The following WDR27 variants were observed in gnomAD, a reference collection of about 807,000 sequenced individuals.
The protein encoded by WDR27 is WD repeat domain 27, also known as WD repeat-containing protein 27.
A neutral mutation model predicts 114.4 loss-of-function variants in WDR27; 100 were observed. The observed-to-expected ratio is 0.87, with a 90% CI of 0.74 to 1.03. WDR27 has a LOEUF of 1.03. Among genes scored for constraint, WDR27 ranks in the 50% least tolerant of loss-of-function variants. The pLI, the probability that WDR27 is intolerant of heterozygous loss-of-function variation, is 0.00. For missense variants in WDR27, 1,129 were observed against 1,092.9 expected, an observed-to-expected ratio of 1.03 and a Z score of -0.47; for synonymous variants, 449 against 423.1, an observed-to-expected ratio of 1.06 and a Z score of -0.75.
chr6:169,544,109 C>T (rs921604983), intron 25 of WDR27, among the ~76,000 whole-genome samples: 10 of 152,146 alleles, frequency 6.6e-5, no homozygotes, highest in African/African-American at 2.4e-4. Flanking sequence ...CCTTGATAAA[C>T]AGCATCAAGA....
intron 25 of WDR27, among the ~76,000 whole-genome samples, chr6:169,465,708 C>T (rs1490641942): frequency 6.6e-6 from 1 of 152,138 alleles, no homozygotes; most frequent in African/African-American, 2.4e-5. Flanking sequence ...ATTATTCAGT[C>T]TTAAAAATGA....
intron 25 of WDR27, among the ~76,000 whole-genome samples, chr6:169,529,086 T>A (rs763577271): frequency 2.8e-4 from 43 of 152,172 alleles, no homozygotes; most frequent in Non-Finnish European, 4.7e-4. Flanking sequence ...TACCTGAATG[T>A]ACAATAGAAC....
intron 25 of WDR27, among the ~76,000 whole-genome samples, chr6:169,500,370 T>C (rs1791006714): frequency 6.6e-6 from 1 of 152,134 alleles, no homozygotes; most frequent in South Asian, 2.1e-4. Flanking sequence ...TATCCATTAC[T>C]GTCTCACAAA....
the WDR27 span, among the ~76,000 whole-genome samples, chr6:169,437,316 T>C: frequency 6.6e-6 from 1 of 152,148 alleles, no homozygotes; most frequent in Non-Finnish European, 1.5e-5. Flanking sequence ...AGGACCAAAG[T>C]CTGGTACTCT....
chr6:169,430,727 A>C, the WDR27 span, among the ~76,000 whole-genome samples: 37 of 152,248 alleles, frequency 2.4e-4, no homozygotes, highest in Non-Finnish European at 4.6e-4. Context: ...AATAGTAATT[A>C]TAAAGAACCT....
intron 25 of WDR27, among the ~76,000 whole-genome samples, chr6:169,536,934 T>C (rs1012545862): frequency 2.6e-5 from 4 of 152,188 alleles, no homozygotes; most frequent in Non-Finnish European, 5.9e-5. Flanking sequence ...GCTGTCTGGT[T>C]CTCTACAGAG....
intron 23 of WDR27, among the ~76,000 whole-genome samples, chr6:169,589,175 A>G (rs1374141424): frequency 6.6e-6 from 1 of 152,200 alleles, no homozygotes; most frequent in Non-Finnish European, 1.5e-5. Context: ...CCTGCTGTTT[A>G]GATTAAATGG....
chr6:169,461,943 G>T (rs969625829), intron 25 of WDR27, among the ~76,000 whole-genome samples: 5 of 151,978 alleles, frequency 3.3e-5, no homozygotes, highest in African/African-American at 1.2e-4. Flanking sequence ...AATCAGAAAT[G>T]AAAGTTATGG....
chr6:169,630,456 C>T (rs1816056507), intron 21 of WDR27, among the ~76,000 whole-genome samples: 2 of 152,206 alleles, frequency 1.3e-5, no homozygotes. Context: ...ACTCAGGTAT[C>T]TTAAAGTCAA....
the WDR27 span, among the ~76,000 whole-genome samples, chr6:169,449,142 A>G: frequency 1.3e-5 from 2 of 152,182 alleles, no homozygotes; most frequent in African/African-American, 4.8e-5. Flanking sequence ...GATGTCTGGG[A>G]TGAAAACTCT....
chr6:169,546,649 A>G (rs182030530), intron 25 of WDR27, among the ~76,000 whole-genome samples: 1 of 152,202 alleles, frequency 6.6e-6, no homozygotes, highest in East Asian at 1.9e-4. Flanking sequence ...CTATCCCCAG[A>G]CCCTCAAACC....
intron 25 of WDR27, among the ~76,000 whole-genome samples, chr6:169,512,736 A>G (rs1793065651): frequency 1.3e-5 from 2 of 152,222 alleles, no homozygotes; most frequent in South Asian, 4.1e-4. Flanking sequence ...TAGTAGAGGT[A>G]ATGGCTTGAA....
intron 25 of WDR27, among the ~76,000 whole-genome samples, chr6:169,518,265 G>A (rs572940729): frequency 6.6e-6 from 1 of 152,350 alleles, no homozygotes; most frequent in Admixed American, 6.5e-5. Context: ...GGGACTCTGT[G>A]TGGGTCTAGC....
intron 17 of WDR27, among the ~76,000 whole-genome samples, chr6:169,640,760 T>C (rs1818947108): frequency 6.6e-6 from 1 of 152,206 alleles, no homozygotes; most frequent in South Asian, 2.1e-4. Flanking sequence ...CAGAAGTCAC[T>C]CCATTACCAG....
chr6:169,472,535 T>C (rs761484605), intron 25 of WDR27, among the ~76,000 whole-genome samples: 3 of 152,158 alleles, frequency 2.0e-5, no homozygotes, highest in Non-Finnish European at 2.9e-5. Context: ...GTTGTAAGGA[T>C]TGAATTAGTT....
chr6:169,652,246 T>TTTGTTG (rs543638663), intron 13 of WDR27, among the ~76,000 whole-genome samples: 1 of 152,040 alleles, frequency 6.6e-6, no homozygotes, highest in Admixed American at 6.6e-5. Context: ...TTGTTGTTGT[T>TTTGTTG]TTGTTGTTGT....
chr6:169,589,015 C>T (rs1805188690), intron 23 of WDR27, among the ~76,000 whole-genome samples: 3 of 152,200 alleles, frequency 2.0e-5, no homozygotes, highest in Admixed American at 2.0e-4. Context: ...AAAGACAACT[C>T]CCATTCACAC....
rs1807254448 is a variant in WDR27 at position 169,598,366 on chromosome 6, C to T, written c.2424+3853G>A. 2.6e-5 allele frequency among the ~76,000 whole-genome samples: 4 copies of T among 152,170 alleles called. No homozygotes were observed. In the South Asian group the frequency reaches 8.3e-4, roughly 32 times the overall value. ...CCAAGGTCAAAGAGCCAGAATCTGGCAAGGCTTCCCTTCTGCATAATCACA... is the reference window on the plus strand; with the variant it reads ...CCAAGGTCAAAGAGCCAGAATCTGGTAAGGCTTCCCTTCTGCATAATCACA... On this transcript the variant is annotated intron_variant, in intron 23 of 25. Coordinates refer to ENST00000448612, the MANE Select transcript of WDR27 (RefSeq NM_182552.5).
chr6:169,579,623 CA>C (rs1803035326), intron 24 of WDR27, among the ~76,000 whole-genome samples: 1 of 152,164 alleles, frequency 6.6e-6, no homozygotes, highest in African/African-American at 2.4e-5. Flanking sequence ...GGTACCATGA[CA>C]GATTACAAAT....
Sources: gnomAD v4.1 joint callset for allele counts (sites outside exome capture counted in the v4.1 genomes callset) on GRCh38, gnomAD v4.1.1 for gene constraint, MANE v1.5 for transcripts, NCBI Gene and HGNC (gene_info 2026-07-23, HGNC 2026-07-21) for gene names.